Variants in HTT observed in about 807,000 individuals in gnomAD.
The protein encoded by HTT is huntingtin.
HTT carries 104 observed loss-of-function variants against 362.3 expected under a neutral mutation model. The ratio of observed to expected loss-of-function variants is 0.29; its 90% CI spans 0.24 to 0.34. The LOEUF is 0.34. Among genes scored for constraint, HTT ranks in the 10% least tolerant of loss-of-function variants. The probability of loss-of-function intolerance (pLI) is 1.00; values close to 1 mark genes in which losing one functional copy is unlikely to be tolerated. For synonymous variants in HTT, 1,577 were observed against 1,548.7 expected (o/e 1.02, Z -0.43); for missense variants, 3,301 against 3,928.6 (o/e 0.84, Z 4.27).
chr4:3,105,255 T>TA, intron 4 of HTT, 102 bp from the exon 5 acceptor site: 1 of 792,892 alleles, frequency 1.3e-6, no homozygotes, highest in South Asian at 1.6e-5. Flanking sequence ...GCCTTTTCTC[T>TA]AAAATTAGAA....
rs534298736 is a variant in HTT, at chr4:3,216,833, A to G, written c.7055-932A>G. Among the ~76,000 whole-genome samples, 1,030 of 152,010 alleles carry G rather than the reference A, an allele frequency of 6.8e-3. 11 individuals carry two copies. Among genetic ancestry groups the G allele is most frequent in the African/African-American group, 0.023 (937 of 41,450 alleles). On this transcript the variant is annotated intron_variant, in intron 51 of 66. Coordinates refer to ENST00000355072, the MANE Select transcript of HTT (RefSeq NM_001388492.1). ...GAGGTCAGGAGATCGAGACCATCCC[A>G]GCTAAAACGGTGAAACCCCGTCTCT...
At chr4:3,172,209 C>G in intron 29 of HTT, 111 bp from the exon 30 acceptor site, 1 of 748,898 alleles carries the variant, frequency 1.3e-6, no homozygotes, top group Non-Finnish European at 2.4e-6. Context: ...TTTTCCTCTA[C>G]TATTTACACA....
chr4:3,122,751 C>G, intron 9 of HTT, 138 bp from the exon 10 acceptor site: 1 of 596,648 alleles, frequency 1.7e-6, no homozygotes, highest in Non-Finnish European at 3.0e-6. Context: ...TGTTGAACTG[C>G]GATGTTAAGT....
At chr4:3,222,339 A>G (rs1292066713) in intron 53 of HTT, 48 bp from the exon 54 acceptor site, 1 of 1,527,250 alleles carries the variant, frequency 6.5e-7, no homozygotes, top group Admixed American at 1.7e-5. Flanking sequence ...TCTCCGTTAC[A>G]GGCTTGAGAA....
intron 51 of HTT, among the ~76,000 whole-genome samples, chr4:3,217,181 A>G (rs1012836944): frequency 6.6e-6 from 1 of 152,212 alleles, no homozygotes; most frequent in Non-Finnish European, 1.5e-5. Context: ...CACTGCCTCA[A>G]CAAATCATAT....
At chr4:3,209,162 C>T (rs369669925) in intron 46 of HTT, among the ~76,000 whole-genome samples, 3 of 152,154 alleles carry the variant, frequency 2.0e-5, no homozygotes, top group African/African-American at 4.8e-5. Flanking sequence ...AATAGTCGGC[C>T]GTGGCCTGCA....
chr4:3,140,356 C>T (rs1184458909), intron 21 of HTT, among the ~76,000 whole-genome samples, 154 bp from the exon 22 acceptor site: 2 of 152,070 alleles, frequency 1.3e-5, no homozygotes, highest in African/African-American at 2.4e-5. Context: ...AACGCTGTCA[C>T]GTGCTTGAAG....
chr4:3,144,693 A>G (rs1183457656), intron 23 of HTT, among the ~76,000 whole-genome samples: 1 of 152,224 alleles, frequency 6.6e-6, no homozygotes, highest in Non-Finnish European at 1.5e-5. Flanking sequence ...TGTCTGCAGT[A>G]TGGTCTTCCC....
At chr4:3,075,399 G>A (rs1373223880) in intron 1 of HTT, among the ~76,000 whole-genome samples, 1 of 152,254 alleles carries the variant, frequency 6.6e-6, no homozygotes, top group Non-Finnish European at 1.5e-5. Context: ...CGCAGGATGC[G>A]AAGAGTTGGG....
At chr4:3,115,253 A>T in intron 6 of HTT, 51 bp from the exon 7 acceptor site, 1 of 1,565,426 alleles carries the variant, frequency 6.4e-7, no homozygotes, top group Non-Finnish European at 8.7e-7. Flanking sequence ...AATACATGAT[A>T]AGCTTCATAG....
rs201058625 is a variant in HTT at position 3,199,824 on chromosome 4, C to T, written c.5461C>T (p.Arg1821Trp). 79 of 1,614,194 alleles carry T rather than the reference C, an allele frequency of 4.9e-5. No individual in the cohort carries two copies. The South Asian group carries it at 6.8e-4, about 14-fold the overall frequency. ...CTACACCCTGGACAGCTTGAACTTG[C>T]GGGCTCGTTCCATGATCACCACCCA... Reference protein sequence around the residue: ...SFYTLDSLNLRARSMITTHPA... With the variant: ...SFYTLDSLNLWARSMITTHPA... The change falls in exon 41 of 67, where the codon CGG becomes TGG. Residue 1821 changes from arginine to tryptophan, a missense_variant. Arg to Trp is a moderately radical substitution (Grantham distance 101, BLOSUM62 -3). Coordinates refer to ENST00000355072, the MANE Select transcript of HTT (RefSeq NM_001388492.1).
intron 51 of HTT, among the ~76,000 whole-genome samples, chr4:3,216,792 G>A (rs553587481): frequency 1.8e-4 from 28 of 152,094 alleles, no homozygotes; most frequent in Non-Finnish European, 3.4e-4. Context: ...TTGGGAGGCC[G>A]AGGCGGGCGG....
Position 3,240,394 on chromosome 4 carries a change from C to T in HTT, c.*335C>T, listed in dbSNP as rs1239242273. On this transcript the variant is annotated 3_prime_UTR_variant, in exon 67 of 67. Transcript: ENST00000355072. ...GGTTGCAGCTGCTCTTGCATCTGGG[C>T]CAGAAGTCCTCCCTCCTGCAGGCTG... The T allele has an allele frequency of 5.5e-6, 2 of 363,638 alleles. No individual in the cohort carries two copies. Among genetic ancestry groups the T allele is most frequent in the East Asian group, 1.3e-4 (2 of 15,396 alleles). The allele number at this position is 363,638 out of a possible 1,614,324, so 22.5% of individuals were successfully genotyped here. A position where few individuals can be genotyped will look rare whatever the true frequency, so the allele number is the denominator to read the frequency against.
intron 59 of HTT, among the ~76,000 whole-genome samples, chr4:3,229,672 C>T (rs565348212): frequency 6.6e-6 from 1 of 152,120 alleles, no homozygotes; most frequent in South Asian, 2.1e-4. Flanking sequence ...GCCACATGTA[C>T]ACACCATACA....
chr4:3,121,656 A>T, intron 9 of HTT: 2 of 268,614 alleles, frequency 7.4e-6, no homozygotes, highest in Non-Finnish European at 1.4e-5. Flanking sequence ...TCAGCCCAGG[A>T]GTTTGAGACA....
chr4:3,183,684 C>T (rs1014620537), intron 37 of HTT, among the ~76,000 whole-genome samples: 2 of 152,204 alleles, frequency 1.3e-5, no homozygotes, highest in African/African-American at 4.8e-5. Flanking sequence ...CAGGGTCTCC[C>T]TGCCTACAGA....
At chr4:3,239,099 G>A (rs1334880076) in intron 66 of HTT, 121 bp downstream of exon 66, 2 of 1,032,578 alleles carry the variant, frequency 1.9e-6, no homozygotes, top group African/African-American at 1.6e-5. Flanking sequence ...AGGGTGACAG[G>A]CCCTCAGCCC....
intron 39 of HTT, chr4:3,188,721 A>G: frequency 2.1e-6 from 1 of 482,166 alleles, no homozygotes; most frequent in Non-Finnish European, 3.7e-6. Flanking sequence ...TACAGTTCAC[A>G]AAGCTTAAAA....
At chr4:3,105,276 A>G in intron 4 of HTT, 81 bp from the exon 5 acceptor site, 2 of 933,858 alleles carry the variant, frequency 2.1e-6, no homozygotes. Flanking sequence ...AGTAACAAGG[A>G]AAGAAAATGC....
Sources: allele counts gnomAD v4.1 joint callset (sites outside exome capture counted in the v4.1 genomes callset), GRCh38; gene constraint gnomAD v4.1.1; transcripts MANE v1.5; gene names NCBI Gene and HGNC (gene_info 2026-07-23, HGNC 2026-07-21).